Variants in LCLAT1 observed in about 807,000 individuals in gnomAD.
LCLAT1 encodes 1-AGP acyltransferase 8.
In LCLAT1, 11 loss-of-function variants were observed where a neutral mutation model predicts 30.7. The observed-to-expected ratio is 0.36, with a 90% CI of 0.23 to 0.59. The LOEUF is 0.59. LCLAT1 is among the 20% of genes least tolerant of loss of function. LCLAT1 has a pLI of 0.77. For synonymous variants in LCLAT1, 155 were observed against 151.3 expected (o/e 1.02, Z -0.18); for missense variants, 402 against 458.6 (o/e 0.88, Z 1.13).
chr2:30,551,667 A>G (rs4951993), intron 3 of LCLAT1, among the ~76,000 whole-genome samples: 16,498 of 152,106 alleles, frequency 0.11, 1,172 homozygotes, highest in South Asian at 0.22. Context: ...TTTCTGTAGG[A>G]TTGCTACGGG....
At chr2:30,449,610 C>T (rs988151438) in intron 1 of LCLAT1, among the ~76,000 whole-genome samples, 1 of 151,884 alleles carries the variant, frequency 6.6e-6, no homozygotes, top group African/African-American at 2.4e-5. Context: ...AAGCGATTCT[C>T]CTGCCTCAGC....
At chr2:30,506,144 TC>T (rs1684647615) in intron 1 of LCLAT1, among the ~76,000 whole-genome samples, 1 of 152,160 alleles carries the variant, frequency 6.6e-6, no homozygotes. Context: ...TCCTAAGTTC[TC>T]CCTAACTAAA....
At chr2:30,622,706 C>T (rs1275990138) in intron 5 of LCLAT1, among the ~76,000 whole-genome samples, 1 of 152,176 alleles carries the variant, frequency 6.6e-6, no homozygotes, top group Non-Finnish European at 1.5e-5. Flanking sequence ...AAAGAAGTAA[C>T]AGTCACTGCA....
intron 1 of LCLAT1, among the ~76,000 whole-genome samples, chr2:30,473,143 T>C (rs186294176): frequency 2.8e-4 from 43 of 152,316 alleles, no homozygotes; most frequent in Middle Eastern, 3.4e-3. Context: ...ATTATGTGTA[T>C]AGGAAAATTA....
chr2:30,469,574 CTT>C (rs199634493), intron 1 of LCLAT1, among the ~76,000 whole-genome samples: 1 of 103,838 alleles, frequency 9.6e-6, no homozygotes. Flanking sequence ...CAGGTCTCTT[CTT>C]TTTTTTTTTT....
chr2:30,504,955 TG>T (rs1384963974), intron 1 of LCLAT1, among the ~76,000 whole-genome samples: 2 of 152,158 alleles, frequency 1.3e-5, no homozygotes, highest in Non-Finnish European at 2.9e-5. Context: ...CTTCCAAAAA[TG>T]GTATTGCATT....
chr2:30,449,500 TC>T (rs1681436999), intron 1 of LCLAT1, among the ~76,000 whole-genome samples: 1 of 151,798 alleles, frequency 6.6e-6, no homozygotes, highest in South Asian at 2.1e-4. Flanking sequence ...ATGACTAATT[TC>T]TTTTTTTTTT....
intron 5 of LCLAT1, among the ~76,000 whole-genome samples, chr2:30,589,039 G>C (rs975991071): frequency 1.3e-5 from 2 of 152,200 alleles, no homozygotes; most frequent in African/African-American, 4.8e-5. Context: ...TGATGGACAA[G>C]ATTTTGGTAA....
Position 30,470,459 on chromosome 2 carries a change from G to T in LCLAT1, c.-5+23076G>T, listed in dbSNP as rs1308395963. Among the ~76,000 whole-genome samples, 7 of 152,130 alleles carry T rather than the reference G, an allele frequency of 4.6e-5. No individual in the cohort carries two copies. The East Asian group carries it at 1.3e-3, about 29-fold the overall frequency. On this transcript the variant is annotated intron_variant, in intron 1 of 5. Coordinates refer to ENST00000379509, the MANE Select transcript of LCLAT1 (RefSeq NM_001002257.3). ...GGTTTTGGTCTCTAAACAAGGAGGG[G>T]GTTAGTTTTGGGAAAGGACTATTAT... is the stretch of plus-strand genomic sequence containing the variant.
At chr2:30,630,289 A>T (rs962863625) in intron 5 of LCLAT1, among the ~76,000 whole-genome samples, 4 of 152,178 alleles carry the variant, frequency 2.6e-5, no homozygotes. Flanking sequence ...ATCTCCAAGT[A>T]TAGTCACATT....
At chr2:30,630,356 C>T (rs1372465702) in intron 5 of LCLAT1, among the ~76,000 whole-genome samples, 2 of 152,154 alleles carry the variant, frequency 1.3e-5, no homozygotes, top group Non-Finnish European at 1.5e-5. Flanking sequence ...TAACAATATC[C>T]ACTTCCATAG....
At chr2:30,541,900 A>G (rs185003111) in intron 3 of LCLAT1, among the ~76,000 whole-genome samples, 1 of 152,290 alleles carries the variant, frequency 6.6e-6, no homozygotes, top group East Asian at 1.9e-4. Context: ...CAGTCTTTCT[A>G]ACTTCAGCTA....
intron 1 of LCLAT1, among the ~76,000 whole-genome samples, chr2:30,477,096 TC>T (rs1464123855): frequency 6.6e-6 from 1 of 152,224 alleles, no homozygotes; most frequent in Non-Finnish European, 1.5e-5. Context: ...GTTTAGTGAA[TC>T]AACGCTTGTT....
At chr2:30,632,171 AC>A (rs1668798238) in intron 5 of LCLAT1, among the ~76,000 whole-genome samples, 1 of 152,244 alleles carries the variant, frequency 6.6e-6, no homozygotes, top group African/African-American at 2.4e-5. Context: ...AAGACTGTTC[AC>A]AAGTATACCA....
intron 5 of LCLAT1, among the ~76,000 whole-genome samples, chr2:30,586,277 A>C (rs1572660258): frequency 6.7e-6 from 1 of 148,214 alleles, no homozygotes; most frequent in South Asian, 2.1e-4. Flanking sequence ...GTAGGAATTT[A>C]TTCTCTCACA....
At chr2:30,607,969 A>C (rs1296330354) in intron 5 of LCLAT1, 2 of 176,356 alleles carry the variant, frequency 1.1e-5, no homozygotes, top group African/African-American at 4.8e-5. Context: ...GATAGAAAGA[A>C]AGTCTTTTTG....
chr2:30,540,978 A>T (rs1664111259), intron 3 of LCLAT1, among the ~76,000 whole-genome samples: 1 of 151,972 alleles, frequency 6.6e-6, no homozygotes, highest in Non-Finnish European at 1.5e-5. Context: ...TATTTTTTTT[A>T]AAGGTAATGA....
intron 5 of LCLAT1, among the ~76,000 whole-genome samples, chr2:30,584,946 C>CAAAA (rs33956361): frequency 9.3e-6 from 1 of 107,278 alleles, no homozygotes; most frequent in Non-Finnish European, 1.9e-5. Flanking sequence ...TACTATATTT[C>CAAAA]AAAAAAAAAA....
At chr2:30,491,488 A>G (rs1056451579) in intron 1 of LCLAT1, among the ~76,000 whole-genome samples, 2 of 152,216 alleles carry the variant, frequency 1.3e-5, no homozygotes, top group African/African-American at 2.4e-5. Flanking sequence ...GTTTGCCTCC[A>G]GAGCCTGTTC....
Sources: allele counts gnomAD v4.1 joint callset (sites outside exome capture counted in the v4.1 genomes callset), GRCh38; gene constraint gnomAD v4.1.1; transcripts MANE v1.5; gene names NCBI Gene and HGNC (gene_info 2026-07-23, HGNC 2026-07-21).